Variants in RBP2 observed in about 807,000 individuals in gnomAD.
The protein encoded by RBP2 is retinol-binding protein 2.
RBP2 carries 17 observed loss-of-function variants against 17.0 expected under a neutral mutation model. That is an observed-to-expected ratio of 1.00 (90% confidence interval 0.68 to 1.50). The LOEUF is 1.50. Ranked by LOEUF, RBP2 falls within the 40% of genes most tolerant of loss-of-function variation. The probability of loss-of-function intolerance (pLI) is 0.00; values close to 1 mark genes in which losing one functional copy is unlikely to be tolerated. For missense variants in RBP2, 158 were observed against 168.2 expected, an observed-to-expected ratio of 0.94 and a Z score of 0.33; for synonymous variants, 48 against 57.1, an observed-to-expected ratio of 0.84 and a Z score of 0.72.
intron 1 of RBP2, among the ~76,000 whole-genome samples, chr3:139,474,490 G>A (rs1422003058): frequency 1.3e-5 from 2 of 152,210 alleles, no homozygotes; most frequent in Admixed American, 1.3e-4. Context: ...TGAAGCATAA[G>A]CAGCAAAAGA....
At chr3:139,455,826 A>T (rs1932936833) in intron 2 of RBP2, among the ~76,000 whole-genome samples, 1 of 152,212 alleles carries the variant, frequency 6.6e-6, no homozygotes. Flanking sequence ...GCAGCAGAAC[A>T]TGTGCTGAAC....
chr3:139,476,357 T>A lies in RBP2; in HGVS notation c.73+30A>T, dbSNP rs1312667194. The A allele has an allele frequency of 2.5e-6, 4 of 1,599,418 alleles. No individual in the cohort carries two copies. In the South Asian group the frequency reaches 3.3e-5, roughly 13 times the overall value. ...AGACCACAGTACTCCCAACAACAGC[T>A]ACCCTCCCCATCCCCAGTCTCCTCC... is the stretch of plus-strand genomic sequence containing the variant. On this transcript the variant is annotated intron_variant, in intron 1 of 3. Coordinates refer to ENST00000232217, the MANE Select transcript of RBP2 (RefSeq NM_004164.3).
At chr3:139,467,438 A>C (rs73868221) in intron 1 of RBP2, among the ~76,000 whole-genome samples, 3,140 of 152,288 alleles carry the variant, frequency 0.021, 89 homozygotes, top group African/African-American at 0.068. Flanking sequence ...CCAAGTGATC[A>C]TGTGCATGCT....
At chr3:139,453,486 A>C (rs1943346231) in intron 3 of RBP2, among the ~76,000 whole-genome samples, 1 of 152,256 alleles carries the variant, frequency 6.6e-6, no homozygotes, top group South Asian at 2.1e-4. Context: ...ATGAGGAAGG[A>C]AAGGACCTAG....
At chr3:139,472,855 A>C (rs1466181802) in intron 1 of RBP2, among the ~76,000 whole-genome samples, 1 of 152,232 alleles carries the variant, frequency 6.6e-6, no homozygotes, top group Non-Finnish European at 1.5e-5. Flanking sequence ...TGACTCCTTG[A>C]GAGCAGATTC....
At chr3:139,464,673 G>C (rs1933301479) in intron 1 of RBP2, among the ~76,000 whole-genome samples, 1 of 152,170 alleles carries the variant, frequency 6.6e-6, no homozygotes, top group South Asian at 2.1e-4. Flanking sequence ...AAGGTAAAAA[G>C]ATTACATACC....
At chr3:139,475,335 A>T (rs1358873549) in intron 1 of RBP2, among the ~76,000 whole-genome samples, 3 of 151,216 alleles carry the variant, frequency 2.0e-5, no homozygotes, top group Non-Finnish European at 3.0e-5. Context: ...AAAAAAAAAA[A>T]AAAAAAAAAA....
intron 1 of RBP2, among the ~76,000 whole-genome samples, chr3:139,468,514 T>C (rs926255751): frequency 4.6e-5 from 7 of 152,220 alleles, no homozygotes; most frequent in Non-Finnish European, 1.0e-4. Flanking sequence ...TGGCTTGGCC[T>C]CTTGGCCACC....
In RBP2 at chr3:139,459,327, G is replaced by A. The variant is rs531986061; in HGVS notation, c.252+2785C>T. On this transcript the variant is annotated intron_variant, in intron 2 of 3. Coordinates refer to ENST00000232217, the MANE Select transcript of RBP2 (RefSeq NM_004164.3). The stretch of plus-strand genomic sequence containing the variant: ...CCCCAGCAGTTTTGGAGGCCGAGGC[G>A]GGTGGATCCCTTGAGATCAGGAGTT... Among the ~76,000 whole-genome samples the A allele has an allele frequency of 4.5e-3, 670 of 149,984 alleles. 7 individuals carry two copies. Among genetic ancestry groups the A allele is most frequent in the African/African-American group, 0.016 (651 of 40,878 alleles).
At chr3:139,469,983 GTC>G (rs1272504976) in intron 1 of RBP2, among the ~76,000 whole-genome samples, 1 of 152,178 alleles carries the variant, frequency 6.6e-6, no homozygotes, top group Non-Finnish European at 1.5e-5. Context: ...CCATGGATAA[GTC>G]TCTCCACTTC....
chr3:139,464,255 T>C (rs990314713), intron 1 of RBP2, among the ~76,000 whole-genome samples: 1 of 151,468 alleles, frequency 6.6e-6, no homozygotes, highest in African/African-American at 2.4e-5. Flanking sequence ...GGGTCAGGAG[T>C]TCAAGACCAG....
At chr3:139,465,966 C>T (rs905992989) in intron 1 of RBP2, among the ~76,000 whole-genome samples, 3 of 152,118 alleles carry the variant, frequency 2.0e-5, no homozygotes, top group African/African-American at 7.2e-5. Flanking sequence ...GTGAATTCCT[C>T]TAGTCTTCTT....
At chr3:139,463,197 T>TC (rs1159035298) in intron 1 of RBP2, among the ~76,000 whole-genome samples, 1 of 151,958 alleles carries the variant, frequency 6.6e-6, no homozygotes, top group Non-Finnish European at 1.5e-5. Flanking sequence ...TCTTTTTTTT[T>TC]CTTTCTTGAG....
intron 1 of RBP2, among the ~76,000 whole-genome samples, chr3:139,474,768 C>G (rs1033245832): frequency 4.6e-5 from 7 of 152,168 alleles, no homozygotes; most frequent in Admixed American, 2.0e-4. Flanking sequence ...GACCCTTCTG[C>G]TTTGGTTTCC....
chr3:139,459,400 A>ATATGTGTG lies in RBP2; in HGVS notation c.252+2711_252+2712insCACACATA, dbSNP rs111417242. On this transcript the variant is annotated intron_variant, in intron 2 of 3. Coordinates refer to ENST00000232217, the MANE Select transcript of RBP2 (RefSeq NM_004164.3). Reference sequence around the variant, plus strand: ...GTGAAACCCTGTTTCTACTATATATATGTGTGTGTGTGTGTGTGTGTGTGT... The same window carrying ATATGTGTG: ...GTGAAACCCTGTTTCTACTATATATATATGTGTGTGTGTGTGTGTGTGTGTGTGTGTGT... Among the ~76,000 whole-genome samples, 872 of 128,538 alleles carry ATATGTGTG rather than the reference A, an allele frequency of 6.8e-3. 5 individuals carry two copies. The highest frequency in any genetic ancestry group is 8.6e-3 in the Non-Finnish European group (542 of 62,760). The allele number at this position is 128,538 out of a possible 152,430, so 84.3% of individuals were successfully genotyped here.
intron 1 of RBP2, among the ~76,000 whole-genome samples, chr3:139,463,439 GC>G (rs1222763671): frequency 1.3e-5 from 2 of 152,138 alleles, no homozygotes; most frequent in African/African-American, 4.8e-5. Flanking sequence ...GCCCACCTCG[GC>G]CTCCCAAAAT....
At chr3:139,473,068 G>A (rs1052979548) in intron 1 of RBP2, among the ~76,000 whole-genome samples, 4 of 151,898 alleles carry the variant, frequency 2.6e-5, no homozygotes, top group Non-Finnish European at 4.4e-5. Context: ...TTCCTTCATC[G>A]CCTGATCTGA....
intron 2 of RBP2, among the ~76,000 whole-genome samples, chr3:139,457,737 A>G (rs936312689): frequency 6.6e-6 from 1 of 152,158 alleles, no homozygotes; most frequent in African/African-American, 2.4e-5. Context: ...AAAGATCCTC[A>G]GGTTGAGGAA....
chr3:139,472,832 C>T (rs186348379), intron 1 of RBP2, among the ~76,000 whole-genome samples: 21 of 152,320 alleles, frequency 1.4e-4, no homozygotes, highest in African/African-American at 4.3e-4. Flanking sequence ...ACCATTTGTG[C>T]ATGGCTGTAA....
Sources: gnomAD v4.1 joint callset for allele counts (sites outside exome capture counted in the v4.1 genomes callset) on GRCh38, gnomAD v4.1.1 for gene constraint, MANE v1.5 for transcripts, NCBI Gene and HGNC (gene_info 2026-07-23, HGNC 2026-07-21) for gene names.